The following ARHGEF28 variants were observed in gnomAD, a reference collection of about 807,000 sequenced individuals.
ARHGEF28 encodes 190 kDa guanine nucleotide exchange factor.
In ARHGEF28, 152 loss-of-function variants were observed where a neutral mutation model predicts 206.6. The ratio of observed to expected loss-of-function variants is 0.74; its 90% CI spans 0.64 to 0.84. The LOEUF is 0.84. ARHGEF28 is among the 40% of genes least tolerant of loss of function. The pLI, the probability that ARHGEF28 is intolerant of heterozygous loss-of-function variation, is 0.00. For synonymous variants in ARHGEF28, 763 were observed against 776.4 expected (o/e 0.98, Z 0.29); for missense variants, 2,028 against 2,073.2 (o/e 0.98, Z 0.42).
chr5:73,899,980 CTTTAAGAG>C (rs1190929391), intron 30 of ARHGEF28: 1 of 152,208 alleles, frequency 6.6e-6, no homozygotes, highest in Non-Finnish European at 1.5e-5. Context: ...TTTGGCCACT[CTTTAAGAG>C]TTAGGAATAG....
chr5:73,904,654 AT>A (rs1308672109), intron 33 of ARHGEF28: 3 of 495,658 alleles, frequency 6.1e-6, no homozygotes, highest in African/African-American at 5.8e-5. Context: ...ATATTGATGA[AT>A]ATGATCTGGC....
intron 1 of ARHGEF28, among the ~76,000 whole-genome samples, chr5:73,653,920 C>G (rs1745006495): frequency 6.6e-6 from 1 of 152,156 alleles, no homozygotes; most frequent in Non-Finnish European, 1.5e-5. Flanking sequence ...AATCGGCCAC[C>G]CTGGGTAGAA....
At chr5:73,757,301 C>A (rs915583057) in intron 4 of ARHGEF28, among the ~76,000 whole-genome samples, 8 of 152,062 alleles carry the variant, frequency 5.3e-5, no homozygotes, top group African/African-American at 1.9e-4. Flanking sequence ...AGTAATTTTT[C>A]TTCCAGTACT....
At position 73,840,715 on chromosome 5, in the gene ARHGEF28, G is replaced by A; in HGVS notation, c.1382G>A (p.Gly461Asp). ...SCASNLNLSF[G>D]WHGFEKEQSH... ...GCTTCCAACTTGAATCTTTCTTTTG[G>A]TTGGCATGGATTTGAAAAGGAACAA... The change falls in exon 11 of 36, where the codon GGT becomes GAT. Residue 461 changes from glycine (G) to aspartate (D), a missense_variant. Around this residue, in one of 3 missense-constraint regions of ARHGEF28, gnomAD observed 1,002 missense variants for 1,015.3 expected, o/e 0.99. Coordinates refer to ENST00000513042, the MANE Select transcript of ARHGEF28 (RefSeq NM_001177693.2). 1 of 1,611,856 alleles carries A rather than the reference G, an allele frequency of 6.2e-7. No homozygotes were observed. Among genetic ancestry groups the A allele is most frequent in the South Asian group, 1.1e-5 (1 of 90,594 alleles).
chr5:73,874,115 C>T (rs1443355510), intron 22 of ARHGEF28, among the ~76,000 whole-genome samples: 1 of 152,158 alleles, frequency 6.6e-6, no homozygotes, highest in African/African-American at 2.4e-5. Flanking sequence ...GCACTTCCCT[C>T]ATGGCTAATG....
At chr5:73,820,442 C>G (rs1756504704) in intron 9 of ARHGEF28, among the ~76,000 whole-genome samples, 1 of 152,090 alleles carries the variant, frequency 6.6e-6, no homozygotes, top group Non-Finnish European at 1.5e-5. Flanking sequence ...ACTGCACCTC[C>G]TGGGTCCTCC....
intron 7 of ARHGEF28, among the ~76,000 whole-genome samples, chr5:73,792,271 A>G (rs74618798): frequency 0.014 from 2,085 of 152,298 alleles, 42 homozygotes; most frequent in African/African-American, 0.047. Context: ...AAAAAATTGC[A>G]CTGGACTACA....
At chr5:73,830,110 ATGACAT>A (rs1757196743) in intron 9 of ARHGEF28, among the ~76,000 whole-genome samples, 1 of 152,206 alleles carries the variant, frequency 6.6e-6, no homozygotes, top group Non-Finnish European at 1.5e-5. Flanking sequence ...AGCAAAATGT[ATGACAT>A]TGACACCAAG....
At chr5:73,831,424 T>C (rs560142381) in intron 9 of ARHGEF28, among the ~76,000 whole-genome samples, 4 of 152,332 alleles carry the variant, frequency 2.6e-5, no homozygotes, top group Non-Finnish European at 4.4e-5. Context: ...ACCTCATCTA[T>C]TTGGAACAAA....
chr5:73,666,548 A>G (rs911433120), intron 1 of ARHGEF28, among the ~76,000 whole-genome samples: 19 of 152,164 alleles, frequency 1.2e-4, no homozygotes, highest in African/African-American at 4.1e-4. Context: ...CTGTGGCCCC[A>G]CAGCTTCTGC....
chr5:73,787,225 A>G (rs1018407521), intron 7 of ARHGEF28, among the ~76,000 whole-genome samples: 1 of 152,242 alleles, frequency 6.6e-6, no homozygotes, highest in Admixed American at 6.5e-5. Context: ...GCCGTTCTGC[A>G]GAGCTGATCA....
chr5:73,939,924 G>T (rs1303727568), intron 35 of ARHGEF28, among the ~76,000 whole-genome samples: 1 of 151,872 alleles, frequency 6.6e-6, no homozygotes, highest in African/African-American at 2.4e-5. Flanking sequence ...TAAGTTTGTA[G>T]TAGGTGTATG....
At position 73,923,451 on chromosome 5, in the gene ARHGEF28, T is replaced by C. The variant is rs1561198628; in HGVS notation, c.4948+11876T>C. On this transcript the variant is annotated intron_variant, in intron 35 of 35. Coordinates refer to ENST00000513042, the MANE Select transcript of ARHGEF28 (RefSeq NM_001177693.2). ...AAATTACATCAAAGTATGCTACTGG[T>C]AGAAGTTATCGTTGGTCTTGGCAAG... Among the ~76,000 whole-genome samples, 4 of 152,186 alleles carry C rather than the reference T, an allele frequency of 2.6e-5. No homozygotes were observed. In the South Asian group the frequency reaches 8.3e-4, roughly 32 times the overall value.
chr5:73,670,056 G>A (rs894978250), intron 1 of ARHGEF28, among the ~76,000 whole-genome samples: 1 of 152,154 alleles, frequency 6.6e-6, no homozygotes, highest in African/African-American at 2.4e-5. Context: ...GTAAGTTCAT[G>A]TATCTACAAC....
intron 22 of ARHGEF28, among the ~76,000 whole-genome samples, chr5:73,878,736 A>T (rs1290711777): frequency 6.6e-6 from 1 of 150,948 alleles, no homozygotes; most frequent in Non-Finnish European, 1.5e-5. Flanking sequence ...TTTCTTTAAG[A>T]ATGTTGAATA....
chr5:73,847,620 T>C (rs1396914298), intron 12 of ARHGEF28, among the ~76,000 whole-genome samples: 1 of 152,234 alleles, frequency 6.6e-6, no homozygotes, highest in Admixed American at 6.5e-5. Flanking sequence ...ATTACTTGGA[T>C]GAAAAATAAT....
At chr5:73,788,418 C>T (rs1754283764) in intron 7 of ARHGEF28, among the ~76,000 whole-genome samples, 1 of 152,164 alleles carries the variant, frequency 6.6e-6, no homozygotes, top group Non-Finnish European at 1.5e-5. Context: ...AACTTTGACA[C>T]TCCTCAAGCT....
intron 14 of ARHGEF28, among the ~76,000 whole-genome samples, chr5:73,853,857 G>T (rs926042504): frequency 3.3e-5 from 5 of 152,120 alleles, no homozygotes; most frequent in Non-Finnish European, 5.9e-5. Flanking sequence ...TTGTTATCAA[G>T]AATTTTTTAA....
In ARHGEF28 at chr5:73,872,906, C is replaced by A. The variant is rs970709817; in HGVS notation, c.2567-93C>A. On this transcript the variant is annotated intron_variant, in intron 21 of 35. Coordinates refer to ENST00000513042, the MANE Select transcript of ARHGEF28 (RefSeq NM_001177693.2). The stretch of plus-strand genomic sequence containing the variant: ...TTCCTAAACATTTCTTTTTTATTTG[C>A]GTAACATATAGTGTTGAGTTACTAA... The A allele has an allele frequency of 7.4e-6, 10 of 1,358,228 alleles. No individual in the cohort carries two copies. In the Admixed American group the frequency reaches 2.5e-4, roughly 34 times the overall value. The allele number at this position is 1,358,228 out of a possible 1,614,324, so 84.1% of individuals were successfully genotyped here.
Sources: allele counts gnomAD v4.1 joint callset (sites outside exome capture counted in the v4.1 genomes callset), GRCh38; gene constraint gnomAD v4.1.1; regional missense constraint gnomAD v4.1.1; transcripts MANE v1.5; gene names NCBI Gene and HGNC (gene_info 2026-07-23, HGNC 2026-07-21).